MYO16: variants seen among roughly 807,000 people sequenced by gnomAD.
The protein encoded by MYO16 is unconventional myosin-XVI.
MYO16 carries 94 observed loss-of-function variants against 205.3 expected under a neutral mutation model. That is an observed-to-expected ratio of 0.46 (90% CI 0.39 to 0.54). MYO16 has a LOEUF of 0.54. Ranked by LOEUF, MYO16 falls within the 20% of genes least tolerant of loss-of-function variation. The pLI, the probability that MYO16 is intolerant of heterozygous loss-of-function variation, is 0.00. For missense variants in MYO16, 2,315 were observed against 2,387.5 expected (o/e 0.97, Z 0.63); for synonymous variants, 988 against 954.0 (o/e 1.04, Z -0.66).
At chr13:108,687,827 G>A (rs560632904) in intron 2 of MYO16, among the ~76,000 whole-genome samples, 3 of 152,268 alleles carry the variant, frequency 2.0e-5, no homozygotes, top group East Asian at 3.9e-4. Flanking sequence ...TCTAAAACGA[G>A]GGAGGCAGAA....
chr13:108,957,205 G>A (rs1883387676), intron 16 of MYO16, among the ~76,000 whole-genome samples: 1 of 151,870 alleles, frequency 6.6e-6, no homozygotes, highest in Non-Finnish European at 1.5e-5. Context: ...ACAACATGGT[G>A]AAACCCCGTC....
At chr13:108,675,159 G>A (rs1026859215) in intron 2 of MYO16, among the ~76,000 whole-genome samples, 1 of 152,134 alleles carries the variant, frequency 6.6e-6, no homozygotes, top group South Asian at 2.1e-4. Context: ...CAGCTACAAG[G>A]TACAAAAGAA....
chr13:108,858,879 G>A (rs2139109073), intron 11 of MYO16, among the ~76,000 whole-genome samples: 2 of 152,266 alleles, frequency 1.3e-5, no homozygotes, highest in Admixed American at 1.3e-4. Flanking sequence ...TACCCTGGGT[G>A]CCTCTACCCT....
chr13:108,983,184 A>G (rs558333832), intron 20 of MYO16, among the ~76,000 whole-genome samples: 1 of 152,160 alleles, frequency 6.6e-6, no homozygotes, highest in African/African-American at 2.4e-5. Context: ...AATCAAAATT[A>G]TATTTCTGGA....
chr13:108,679,175 C>T (rs1281152866), intron 2 of MYO16, among the ~76,000 whole-genome samples: 2 of 152,166 alleles, frequency 1.3e-5, no homozygotes, highest in Non-Finnish European at 2.9e-5. Flanking sequence ...GGTCTTTGTA[C>T]TTGCTGACCC....
At chr13:108,889,567 A>C (rs1880064222) in intron 14 of MYO16, among the ~76,000 whole-genome samples, 1 of 152,212 alleles carries the variant, frequency 6.6e-6, no homozygotes, top group Admixed American at 6.5e-5. Context: ...ACAGGAACCA[A>C]TAACCAATCC....
intron 2 of MYO16, among the ~76,000 whole-genome samples, chr13:108,681,452 A>G (rs1293231459): frequency 6.6e-6 from 1 of 152,154 alleles, no homozygotes; most frequent in East Asian, 1.9e-4. Context: ...TTTGCCAAAT[A>G]TGTTTTCTGT....
intron 4 of MYO16, among the ~76,000 whole-genome samples, chr13:108,775,446 C>CT (rs1382077401): frequency 6.6e-6 from 1 of 152,044 alleles, no homozygotes; most frequent in Non-Finnish European, 1.5e-5. Context: ...ATTATTGAAT[C>CT]TGATTGTTTT....
chr13:109,093,698 G>T (rs166753), intron 27 of MYO16, among the ~76,000 whole-genome samples: 119,145 of 151,978 alleles, frequency 0.78, 46,870 homozygotes, highest in Middle Eastern at 0.87. Context: ...CAGAAAATCC[G>T]GCTGGGCCTA....
chr13:108,675,004 G>A (rs906840523), intron 2 of MYO16, among the ~76,000 whole-genome samples: 4 of 152,206 alleles, frequency 2.6e-5, no homozygotes, highest in East Asian at 1.9e-4. Context: ...CTTCATCAGC[G>A]TCACTCCCAT....
chr13:108,936,043 T>G (rs1389043998), intron 16 of MYO16, among the ~76,000 whole-genome samples: 1 of 152,034 alleles, frequency 6.6e-6, no homozygotes, highest in Admixed American at 6.5e-5. Flanking sequence ...AGTATTTCGT[T>G]GAGATTTTTG....
chr13:109,046,200 C>T (rs953223058), intron 23 of MYO16, among the ~76,000 whole-genome samples: 7 of 152,148 alleles, frequency 4.6e-5, no homozygotes, highest in Admixed American at 2.0e-4. Flanking sequence ...ACACACTGAC[C>T]GTGGTCTGTG....
chr13:108,895,347 C>A (rs936303429), intron 14 of MYO16, among the ~76,000 whole-genome samples: 3 of 151,996 alleles, frequency 2.0e-5, no homozygotes, highest in African/African-American at 7.3e-5. Flanking sequence ...AGGTGAGCAG[C>A]GGAATAATGC....
the MYO16 span, among the ~76,000 whole-genome samples, chr13:108,500,226 TTTTTTGTTTTTTTTG>T: frequency 0.34 from 3,094 of 9,188 alleles, 1,090 homozygotes; most frequent in East Asian, 0.49. Flanking sequence ...TTTTTGTTTT[TTTTTTGTTTTTTTTG>T]TTTTTTTTTT....
At chr13:108,874,918 C>T (rs1004071747) in intron 12 of MYO16, among the ~76,000 whole-genome samples, 3 of 152,054 alleles carry the variant, frequency 2.0e-5, no homozygotes, top group Non-Finnish European at 4.4e-5. Context: ...CACAAAGTTT[C>T]TAGGCTCGCC....
the MYO16 span, among the ~76,000 whole-genome samples, chr13:108,523,786 C>T: frequency 6.6e-6 from 1 of 152,214 alleles, no homozygotes; most frequent in Non-Finnish European, 1.5e-5. Context: ...CTCGTTACCC[C>T]ACTGACCTGT....
At chr13:108,976,986 A>G (rs1884286015) in intron 20 of MYO16, among the ~76,000 whole-genome samples, 1 of 152,146 alleles carries the variant, frequency 6.6e-6, no homozygotes, top group Admixed American at 6.6e-5. Flanking sequence ...GTAGAGATAC[A>G]TTTTTCCCCT....
At chr13:108,645,625 A>G (rs2139388834) in intron 1 of MYO16, among the ~76,000 whole-genome samples, 1 of 152,276 alleles carries the variant, frequency 6.6e-6, no homozygotes, top group Admixed American at 6.5e-5. Context: ...TTTTCCCCTT[A>G]CCAGCTGTGA....
intron 20 of MYO16, among the ~76,000 whole-genome samples, chr13:108,967,639 T>G (rs1456602056): frequency 6.6e-6 from 1 of 152,214 alleles, no homozygotes; most frequent in Non-Finnish European, 1.5e-5. Context: ...GAAATTTTAT[T>G]TATTAGGCTT....
Sources: gnomAD v4.1 joint callset for allele counts (sites outside exome capture counted in the v4.1 genomes callset) on GRCh38, gnomAD v4.1.1 for gene constraint, MANE v1.5 for transcripts, NCBI Gene and HGNC (gene_info 2026-07-23, HGNC 2026-07-21) for gene names.